The following HMCN1 variants were observed in gnomAD, a reference collection of about 807,000 sequenced individuals.
HMCN1 encodes hemicentin 1.
In HMCN1, 321 loss-of-function variants were observed where a neutral mutation model predicts 625.9. The observed-to-expected ratio is 0.51, with a 90% CI of 0.47 to 0.56. The LOEUF (loss-of-function observed/expected upper bound fraction) is 0.56. HMCN1 is among the 20% of genes least tolerant of loss of function. The pLI, the probability that HMCN1 is intolerant of heterozygous loss-of-function variation, is 0.00. For synonymous variants in HMCN1, 2,425 were observed against 2,417.6 expected (o/e 1.00, Z -0.09); for missense variants, 6,588 against 6,887.3 (o/e 0.96, Z 1.54).
At chr1:186,107,307 A>C (rs1235280120) in intron 70 of HMCN1, among the ~76,000 whole-genome samples, 1 of 152,180 alleles carries the variant, frequency 6.6e-6, no homozygotes, top group Non-Finnish European at 1.5e-5. Flanking sequence ...TATTTGACTA[A>C]TCAAACGCTG....
At chr1:185,931,783 G>T (rs1486185387) in intron 10 of HMCN1, among the ~76,000 whole-genome samples, 1 of 152,120 alleles carries the variant, frequency 6.6e-6, no homozygotes, top group Non-Finnish European at 1.5e-5. Flanking sequence ...GGAAAGGGGG[G>T]TCTAACCTTC....
At chr1:186,089,122 C>T (rs189400669) in intron 63 of HMCN1, among the ~76,000 whole-genome samples, 3 of 152,052 alleles carry the variant, frequency 2.0e-5, no homozygotes, top group African/African-American at 4.8e-5. Context: ...ATTTAATTCA[C>T]AAAGAAGTTG....
At chr1:185,927,889 G>A (rs556452348) in intron 9 of HMCN1, among the ~76,000 whole-genome samples, 14 of 152,012 alleles carry the variant, frequency 9.2e-5, no homozygotes, top group South Asian at 4.1e-4. Context: ...AGATACTTCC[G>A]GAAAATGAGA....
rs1406349620 is a variant in HMCN1 at position 186,065,437 on chromosome 1, T to C, written c.7705+8T>C. 1 of 1,570,578 alleles carries C rather than the reference T, an allele frequency of 6.4e-7. No individual in the cohort carries two copies. The highest frequency in any genetic ancestry group is 1.2e-5 in the South Asian group (1 of 84,626). On this transcript the variant is annotated splice_region_variant and intron_variant, in intron 49 of 106. Coordinates refer to ENST00000271588, the MANE Select transcript of HMCN1 (RefSeq NM_031935.3). ...TCAGTCTTAATGTATTTGGTAGGTG[T>C]GGGCTTTTCTTCATATCTTAAAGAA...
chr1:186,107,272 A>G (rs1018746238), intron 70 of HMCN1, among the ~76,000 whole-genome samples: 1 of 152,106 alleles, frequency 6.6e-6, no homozygotes, highest in Non-Finnish European at 1.5e-5. Flanking sequence ...TTTTTGGTTG[A>G]GACAGGGTGC....
intron 57 of HMCN1, among the ~76,000 whole-genome samples, chr1:186,083,281 C>T (rs915673644): frequency 2.6e-5 from 4 of 151,970 alleles, no homozygotes; most frequent in African/African-American, 9.7e-5. Context: ...AGGTCTCCTA[C>T]TCATAAAAAT....
chr1:185,962,499 C>T lies in HMCN1; in HGVS notation c.1829-19C>T, dbSNP rs199928462. The T allele has an allele frequency of 1.3e-3, 2,050 of 1,609,106 alleles. 2 individuals carry two copies. The highest frequency in any genetic ancestry group is 9.3e-4 in the Non-Finnish European group (1,092 of 1,175,566). ...AGATAAATTGGCATTTTTCTACATA[C>T]GTATATTTTTATTTGCAGAACCACC... is the stretch of plus-strand genomic sequence containing the variant. On this transcript the variant is annotated intron_variant, in intron 11 of 106. Transcript: ENST00000271588.
chr1:186,123,818 G>A (rs1313501225), intron 81 of HMCN1, among the ~76,000 whole-genome samples: 1 of 152,098 alleles, frequency 6.6e-6, no homozygotes, highest in Non-Finnish European at 1.5e-5. Context: ...AGATTAAACT[G>A]CTTCCAGCCT....
chr1:186,149,793 C>G (rs188348331), intron 93 of HMCN1, among the ~76,000 whole-genome samples: 1 of 152,150 alleles, frequency 6.6e-6, no homozygotes, highest in Non-Finnish European at 1.5e-5. Context: ...AATAATTGGC[C>G]TAGTTTCAAT....
intron 4 of HMCN1, among the ~76,000 whole-genome samples, chr1:185,908,316 C>A (rs553660107): frequency 6.6e-6 from 1 of 151,820 alleles, no homozygotes. Context: ...ACCACTTACA[C>A]CTAAATTTCA....
chr1:185,998,721 A>G (rs954114721), intron 25 of HMCN1, among the ~76,000 whole-genome samples: 4 of 152,072 alleles, frequency 2.6e-5, no homozygotes, highest in Non-Finnish European at 5.9e-5. Context: ...AATTCATTTA[A>G]AGTTACTAGA....
chr1:186,021,107 A>G (rs547541567), intron 35 of HMCN1, among the ~76,000 whole-genome samples: 1 of 152,038 alleles, frequency 6.6e-6, no homozygotes, highest in East Asian at 1.9e-4. Context: ...AGAAATTTAG[A>G]CTCATATGTT....
rs769149760 is a variant in HMCN1, at chr1:186,138,022, C to A, written c.13924+50C>A. ...GATAAACAAAACTTTTCTATCTTAA[C>A]CCCTATGAAAGAATTACATTTGCCT... On this transcript the variant is annotated intron_variant, in intron 89 of 106. Coordinates refer to ENST00000271588, the MANE Select transcript of HMCN1 (RefSeq NM_031935.3). 5.8e-5 allele frequency: 92 copies of A among 1,592,692 alleles called. 2 individuals carry two copies. In the Admixed American group the frequency reaches 1.5e-3, roughly 26 times the overall value.
intron 11 of HMCN1, among the ~76,000 whole-genome samples, 156 bp downstream of exon 11, chr1:185,933,980 G>T (rs185365537): frequency 6.6e-6 from 1 of 152,238 alleles, no homozygotes; most frequent in Non-Finnish European, 1.5e-5. Flanking sequence ...GTGGTCTACA[G>T]CCAACAAAAC....
chr1:185,880,571 C>T (rs1558035684), intron 4 of HMCN1, among the ~76,000 whole-genome samples: 1 of 152,174 alleles, frequency 6.6e-6, no homozygotes. Flanking sequence ...CTCTTCATAT[C>T]ATCATGTTGT....
chr1:186,070,526 G>T (rs1343719079), intron 51 of HMCN1, 86 bp from the exon 52 acceptor site: 12 of 1,190,186 alleles, frequency 1.0e-5, no homozygotes, highest in Non-Finnish European at 1.5e-5. Context: ...TTGTTTTCTT[G>T]ATAAGTAATC....
chr1:186,056,941 A>G (rs1439626749), intron 45 of HMCN1, among the ~76,000 whole-genome samples: 1 of 151,872 alleles, frequency 6.6e-6, no homozygotes, highest in Non-Finnish European at 1.5e-5. Flanking sequence ...AGTGACTCAT[A>G]CAACATCACT....
At chr1:185,766,396 G>T (rs1245582974) in intron 1 of HMCN1, among the ~76,000 whole-genome samples, 1 of 152,046 alleles carries the variant, frequency 6.6e-6, no homozygotes, top group Non-Finnish European at 1.5e-5. Context: ...CCCATGGTAG[G>T]GAGTTTAAGA....
intron 63 of HMCN1, among the ~76,000 whole-genome samples, chr1:186,089,502 C>A (rs1425619899): frequency 6.6e-6 from 1 of 151,976 alleles, no homozygotes; most frequent in African/African-American, 2.4e-5. Context: ...ATTAAGTTCA[C>A]AGGTATCAGT....
Sources: allele counts gnomAD v4.1 joint callset (sites outside exome capture counted in the v4.1 genomes callset), GRCh38; gene constraint gnomAD v4.1.1; transcripts MANE v1.5; gene names NCBI Gene and HGNC (gene_info 2026-07-23, HGNC 2026-07-21).